The following LHFPL3 variants were observed in gnomAD, a reference collection of about 807,000 sequenced individuals.
LHFPL3 encodes LHFPL tetraspan subfamily member 3, also known as LHFPL tetraspan subfamily member 3 protein.
Under a neutral mutation model 19.3 loss-of-function variants are expected in LHFPL3, and 5 were observed. That is an observed-to-expected ratio of 0.26 (90% CI 0.14 to 0.54). LHFPL3 has a LOEUF of 0.54. Ranked by LOEUF, LHFPL3 falls within the 20% of genes least tolerant of loss-of-function variation. The pLI is 0.94. For missense variants in LHFPL3, 249 were observed against 307.4 expected (o/e 0.81, Z 1.42); for synonymous variants, 133 against 126.2 (o/e 1.05, Z -0.36).
intron 1 of LHFPL3, among the ~76,000 whole-genome samples, chr7:104,390,322 T>A (rs919331079): frequency 6.6e-6 from 1 of 152,074 alleles, no homozygotes; most frequent in East Asian, 1.9e-4. Flanking sequence ...TATCTCCTAA[T>A]GCTATCCCTC....
intron 2 of LHFPL3, among the ~76,000 whole-genome samples, chr7:104,856,312 G>A (rs576050090): frequency 1.1e-4 from 15 of 133,324 alleles, no homozygotes; most frequent in African/African-American, 2.3e-4. Context: ...GAGCAGTGGC[G>A]CCATCTTGGC....
intron 1 of LHFPL3, among the ~76,000 whole-genome samples, chr7:104,453,826 C>G (rs1792490803): frequency 6.6e-6 from 1 of 152,074 alleles, no homozygotes; most frequent in Non-Finnish European, 1.5e-5. Context: ...GCCCCACTTC[C>G]CTCACTTGCT....
chr7:104,339,460 T>G (rs1025564428), intron 1 of LHFPL3, among the ~76,000 whole-genome samples: 5 of 152,152 alleles, frequency 3.3e-5, no homozygotes, highest in Admixed American at 3.3e-4. Context: ...TCAGACTCTT[T>G]CCCTGGCCTA....
intron 1 of LHFPL3, among the ~76,000 whole-genome samples, chr7:104,631,954 T>G (rs915391871): frequency 3.3e-5 from 5 of 152,164 alleles, no homozygotes; most frequent in Admixed American, 2.0e-4. Context: ...AAGAAGGAGG[T>G]TCTCCACATT....
intron 1 of LHFPL3, among the ~76,000 whole-genome samples, chr7:104,689,698 G>A (rs1792873876): frequency 6.6e-6 from 1 of 152,112 alleles, no homozygotes; most frequent in African/African-American, 2.4e-5. Flanking sequence ...AGACTTTTTG[G>A]GGACTACTGG....
chr7:104,473,766 C>A (rs1792954226), intron 1 of LHFPL3, among the ~76,000 whole-genome samples: 1 of 152,184 alleles, frequency 6.6e-6, no homozygotes, highest in Non-Finnish European at 1.5e-5. Flanking sequence ...ATAGAAAGCA[C>A]TAAGTAAATA....
rs557956156 is a variant in LHFPL3, at chr7:104,636,751, G to C, written c.446-99924G>C. ...TTTTTATGGCTGCATAGTATTCCAT[G>C]GTGTATATGTAAAACATTTTCTTTA... On this transcript the variant is annotated intron_variant, in intron 1 of 2. Transcript: ENST00000424859. Among the ~76,000 whole-genome samples, 33 of 152,194 alleles carry C rather than the reference G, an allele frequency of 2.2e-4. No individual in the cohort carries two copies. The South Asian group carries it at 3.5e-3, about 16-fold the overall frequency.
intron 1 of LHFPL3, among the ~76,000 whole-genome samples, chr7:104,706,535 G>T (rs1274914213): frequency 6.6e-6 from 1 of 152,184 alleles, no homozygotes; most frequent in Non-Finnish European, 1.5e-5. Flanking sequence ...ACTCTAGGCT[G>T]AGGCAGAGCC....
At chr7:104,434,634 T>A (rs1261761259) in intron 1 of LHFPL3, among the ~76,000 whole-genome samples, 2 of 152,228 alleles carry the variant, frequency 1.3e-5, no homozygotes, top group Non-Finnish European at 2.9e-5. Flanking sequence ...TTTATTGAAC[T>A]TGTAGAGTCC....
Position 104,877,262 on chromosome 7 carries a change from A to G in LHFPL3, c.683-28925A>G, listed in dbSNP as rs371416487. 2.8e-5 allele frequency among the ~76,000 whole-genome samples: 4 copies of G among 141,922 alleles called. No homozygotes were observed. In the East Asian group the frequency reaches 7.0e-4, roughly 25 times the overall value. The allele number at this position is 141,922 out of a possible 152,430, so 93.1% of individuals were successfully genotyped here. On this transcript the variant is annotated intron_variant, in intron 2 of 2. Transcript: ENST00000424859. The stretch of plus-strand genomic sequence containing the variant: ...TGCACGTTGTGCACATGTACCCTAG[A>G]ACTTAAAGTATAATAAAAAAAAAAT...
intron 1 of LHFPL3, among the ~76,000 whole-genome samples, chr7:104,588,200 G>A (rs1456078645): frequency 2.6e-5 from 4 of 152,158 alleles, no homozygotes; most frequent in African/African-American, 9.7e-5. Context: ...CCATGCCTAT[G>A]TCCTGAATGG....
At chr7:104,474,941 C>T (rs1293545009) in intron 1 of LHFPL3, among the ~76,000 whole-genome samples, 2 of 152,034 alleles carry the variant, frequency 1.3e-5, no homozygotes, top group Non-Finnish European at 2.9e-5. Context: ...ATGGCTGAAG[C>T]ACTGGGTATG....
chr7:104,507,211 T>C (rs1226992138), intron 1 of LHFPL3, among the ~76,000 whole-genome samples: 1 of 151,480 alleles, frequency 6.6e-6, no homozygotes, highest in Non-Finnish European at 1.5e-5. Context: ...CAAACTATAC[T>C]ACAAGGCTAC....
intron 1 of LHFPL3, among the ~76,000 whole-genome samples, chr7:104,417,936 G>A (rs1284047228): frequency 1.4e-5 from 2 of 141,934 alleles, no homozygotes; most frequent in African/African-American, 2.7e-5. Flanking sequence ...AGTCTGGAGT[G>A]TAATGGTGCA....
chr7:104,541,469 G>C (rs904579734), intron 1 of LHFPL3, among the ~76,000 whole-genome samples: 12 of 152,154 alleles, frequency 7.9e-5, no homozygotes, highest in African/African-American at 2.7e-4. Context: ...AGACACAGGA[G>C]AGCCAGATAA....
chr7:104,509,187 C>T (rs887944633), intron 1 of LHFPL3, among the ~76,000 whole-genome samples: 10 of 151,610 alleles, frequency 6.6e-5, no homozygotes, highest in African/African-American at 9.7e-5. Flanking sequence ...GAGGAGGGAA[C>T]GCTTCCTGAT....
chr7:104,381,885 C>T (rs1053929395), intron 1 of LHFPL3, among the ~76,000 whole-genome samples: 26 of 152,242 alleles, frequency 1.7e-4, no homozygotes, highest in African/African-American at 5.3e-4. Context: ...AGTATTGGAA[C>T]GATAGGAGAC....
intron 1 of LHFPL3, among the ~76,000 whole-genome samples, chr7:104,573,063 C>T (rs1790257454): frequency 6.6e-6 from 1 of 152,092 alleles, no homozygotes; most frequent in South Asian, 2.1e-4. Flanking sequence ...ATTAAAGGTA[C>T]TATAGGAAGT....
intron 2 of LHFPL3, among the ~76,000 whole-genome samples, chr7:104,868,658 AT>A (rs1791774562): frequency 1.3e-5 from 2 of 151,612 alleles, no homozygotes; most frequent in Non-Finnish European, 2.9e-5. Context: ...GCCCAAGGTA[AT>A]TTATAGATTC....
Sources: allele counts gnomAD v4.1 joint callset (sites outside exome capture counted in the v4.1 genomes callset), GRCh38; gene constraint gnomAD v4.1.1; transcripts MANE v1.5; gene names NCBI Gene and HGNC (gene_info 2026-07-23, HGNC 2026-07-21).